OR51G2: variants seen among roughly 807,000 people sequenced by gnomAD.
The protein encoded by OR51G2 is olfactory receptor 51G2.
In OR51G2, 13 loss-of-function variants were observed where a neutral mutation model predicts 11.8. The observed-to-expected ratio is 1.10, with a 90% CI of 0.72 to 1.76. The LOEUF is 1.76. Ranked by LOEUF, OR51G2 falls within the 40% of genes most tolerant of loss-of-function variation. OR51G2 has a pLI of 0.00. For missense variants in OR51G2, 474 were observed against 394.4 expected, an observed-to-expected ratio of 1.20 and a Z score of -1.71; for synonymous variants, 178 against 151.9, an observed-to-expected ratio of 1.17 and a Z score of -1.26.
Position 4,915,099 on chromosome 11 carries a change from C to T in OR51G2, c.565G>A (p.Val189Met). 1 of 1,614,086 alleles carries T rather than the reference C, an allele frequency of 6.2e-7. No homozygotes were observed. Among genetic ancestry groups the T allele is most frequent in the Non-Finnish European group, 8.5e-7 (1 of 1,180,018 alleles). Residue 189 changes from valine to methionine, a missense_variant, in exon 2 of 2, where the codon GTG becomes ATG. Physicochemically the swap from Val to Met is conservative, Grantham distance 21. Coordinates refer to ENST00000641926, the MANE Select transcript of OR51G2 (RefSeq NM_001005238.2). Reference protein sequence around the residue: ...LSHSYCLHQEVMKLACADMKA... With the variant: ...LSHSYCLHQEMMKLACADMKA... ...ATGTCGGCACAGGCCAATTTCATCACTTCTTGGTGGAGACAATAAGAATGT... is the reference window on the plus strand; with the variant it reads ...ATGTCGGCACAGGCCAATTTCATCATTTCTTGGTGGAGACAATAAGAATGT...
intron 1 of OR51G2, among the ~76,000 whole-genome samples, chr11:4,916,251 C>G (rs767524642): frequency 6.6e-6 from 1 of 152,074 alleles, no homozygotes. Context: ...AAGGCCACAG[C>G]TGTTGTTGGG....
intron 1 of OR51G2, among the ~76,000 whole-genome samples, chr11:4,916,131 A>T (rs1293173372): frequency 6.7e-6 from 1 of 149,834 alleles, no homozygotes; most frequent in Non-Finnish European, 1.5e-5. Context: ...ATCCTGGCTA[A>T]CACAGTGAAA....
rs912633228 is a variant in OR51G2, at chr11:4,915,407, A to G, written c.257T>C (p.Val86Ala). The G allele has an allele frequency of 5.0e-6, 8 of 1,614,068 alleles. No individual in the cohort carries two copies. The highest frequency in any genetic ancestry group is 6.8e-6 in the Non-Finnish European group (8 of 1,180,020). Residue 86 changes from valine (V) to alanine (A), a missense_variant, in exon 2 of 2, where the codon GTC (valine) becomes GCC (alanine). Val to Ala is a moderately conservative substitution (Grantham distance 64). Coordinates refer to ENST00000641926, the MANE Select transcript of OR51G2 (RefSeq NM_001005238.2). ...LGLSLCTLPT[V>A]LGIFWVGARE... Reference sequence around the variant, plus strand: ...TGCTCCAACCCAAAAGATGCCCAGGACTGTAGGGAGAGTGCAAAGGGAGAG... The same window carrying G: ...TGCTCCAACCCAAAAGATGCCCAGGGCTGTAGGGAGAGTGCAAAGGGAGAG...
In OR51G2 at chr11:4,915,714, A is replaced by G. The variant is rs78906244; in HGVS notation, c.-51T>C. 2.4e-3 allele frequency: 3,159 copies of G among 1,324,106 alleles called. 43 individuals carry two copies. In the African/African-American group the frequency reaches 0.033, roughly 14 times the overall value. The allele number at this position is 1,324,106 out of a possible 1,614,324, so 82.0% of individuals were successfully genotyped here. A position where few individuals can be genotyped will look rare whatever the true frequency, so the allele number is the denominator to read the frequency against. Reference sequence around the variant, plus strand: ...GGGTGCCCTCCAAAATCCTGAAGTAAATTGAGGCAGTACTGGTGATTGCAC... The same window carrying G: ...GGGTGCCCTCCAAAATCCTGAAGTAGATTGAGGCAGTACTGGTGATTGCAC... On this transcript the variant is annotated 5_prime_UTR_variant, in exon 2 of 2. Transcript: ENST00000641926.
At position 4,915,380 on chromosome 11, in the gene OR51G2, C is replaced by T. The variant is rs199695370; in HGVS notation, c.284G>A (p.Arg95Gln). ...AAAGCAGGCATCATGGCTAATTTCT[C>T]GTGCTCCAACCCAAAAGATGCCCAG... ...TVLGIFWVGA[R>Q]EISHDACFAQ... Residue 95 changes from arginine to glutamine, a missense_variant, in exon 2 of 2, where the codon CGA becomes CAA. By Grantham distance (43) the Arg-to-Gln change is conservative (BLOSUM62 1). Transcript: ENST00000641926. The T allele has an allele frequency of 6.4e-5, 104 of 1,613,974 alleles. No individual in the cohort carries two copies. The highest frequency in any genetic ancestry group is 1.0e-4 in the Admixed American group (6 of 60,006).
At chr11:4,917,577 T>C (rs950299915) in intron 1 of OR51G2, among the ~76,000 whole-genome samples, 7 of 152,328 alleles carry the variant, frequency 4.6e-5, no homozygotes, top group Non-Finnish European at 7.3e-5. Flanking sequence ...GTTAACTCAC[T>C]GTCCACCTGA....
Position 4,915,750 on chromosome 11 carries a change from T to A in OR51G2, c.-76-11A>T. The A allele has an allele frequency of 1.2e-6, 1 of 823,456 alleles. No homozygotes were observed. 51.0% of individuals were successfully genotyped at this position (823,456 alleles called of 1,614,324 possible). The stretch of plus-strand genomic sequence containing the variant: ...TACTGGTGATTGCACCTGGTGGAAA[T>A]TAAAGAAAAAAAATAGAATCAAATA... On this transcript the variant is annotated splice_polypyrimidine_tract_variant and intron_variant, in intron 1 of 1. Coordinates refer to ENST00000641926, the MANE Select transcript of OR51G2 (RefSeq NM_001005238.2).
At chr11:4,916,538 T>C (rs923669788) in intron 1 of OR51G2, among the ~76,000 whole-genome samples, 4 of 152,188 alleles carry the variant, frequency 2.6e-5, no homozygotes, top group Non-Finnish European at 5.9e-5. Context: ...TTTCTTTCTC[T>C]TTTTTGTTTT....
intron 1 of OR51G2, among the ~76,000 whole-genome samples, chr11:4,916,763 G>C (rs1431715363): frequency 6.6e-6 from 1 of 152,162 alleles, no homozygotes; most frequent in African/African-American, 2.4e-5. Flanking sequence ...TCAAAGCCCT[G>C]ATCCTCCTGT....
rs890920462 is a variant in OR51G2, at chr11:4,915,030, C to T, written c.634G>A (p.Val212Met). 12 of 1,613,982 alleles carry T rather than the reference C, an allele frequency of 7.4e-6. No homozygotes were observed. The highest frequency in any genetic ancestry group is 8.5e-6 in the Non-Finnish European group (10 of 1,180,032). The stretch of plus-strand genomic sequence containing the variant: ...AGGATGAGCAGTGAGTCTATACCCA[C>T]TGTAGAGACGATGACAAACATGCCG... Reference protein sequence around the residue: ...IYGMFVIVSTVGIDSLLILFS... With the variant: ...IYGMFVIVSTMGIDSLLILFS... The change falls in exon 2 of 2, where the codon GTG (valine) becomes ATG (methionine). Residue 212 changes from valine (V) to methionine (M), a missense_variant. Coordinates refer to ENST00000641926, the MANE Select transcript of OR51G2 (RefSeq NM_001005238.2).
chr11:4,916,208 C>G (rs939628405), intron 1 of OR51G2, among the ~76,000 whole-genome samples: 1 of 151,808 alleles, frequency 6.6e-6, no homozygotes, highest in Non-Finnish European at 1.5e-5. Context: ...TCTGCTGGCA[C>G]TGTGGGTTGG....
At position 4,915,658 on chromosome 11, in the gene OR51G2, G is replaced by T; in HGVS notation, c.6C>A (p.Thr2=). The change falls in exon 2 of 2, where the codon ACC becomes ACA. Residue 2 remains threonine, a synonymous_variant. Coordinates refer to ENST00000641926, the MANE Select transcript of OR51G2 (RefSeq NM_001005238.2). ...TGCTGCTGTTTCCCAGGGATCCCAGGGTCATTGTGTGAGGAGACAAGGGGG... is the reference window on the plus strand; with the variant it reads ...TGCTGCTGTTTCCCAGGGATCCCAGTGTCATTGTGTGAGGAGACAAGGGGG... M[T]LGSLGNSSSS... is the part of the protein sequence containing the mutation. 1 of 1,609,940 alleles carries T rather than the reference G, an allele frequency of 6.2e-7. No homozygotes were observed. The highest frequency in any genetic ancestry group is 8.5e-7 in the Non-Finnish European group (1 of 1,177,470).
chr11:4,914,674 A>G lies in OR51G2; in HGVS notation c.*45T>C, dbSNP rs1383953796. On this transcript the variant is annotated 3_prime_UTR_variant, in exon 2 of 2. Coordinates refer to ENST00000641926, the MANE Select transcript of OR51G2 (RefSeq NM_001005238.2). ...GTTAGAAATTATAAAGGATAGGCAA[A>G]CAAGGGCACGTTTCAGGAGACAGTG... 7.3e-7 allele frequency: 1 copy of G among 1,368,098 alleles called. No individual in the cohort carries two copies. Among genetic ancestry groups the G allele is most frequent in the Middle Eastern group, 1.8e-4 (1 of 5,452 alleles). 84.7% of individuals were successfully genotyped at this position (1,368,098 alleles called of 1,614,324 possible). A position where few individuals can be genotyped will look rare whatever the true frequency, so the allele number is the denominator to read the frequency against.
In OR51G2 at chr11:4,914,680, G is replaced by A; in HGVS notation, c.*39C>T. 1 of 1,399,546 alleles carries A rather than the reference G, an allele frequency of 7.1e-7. No individual in the cohort carries two copies. The highest frequency in any genetic ancestry group is 1.0e-6 in the Non-Finnish European group (1 of 1,003,600). The allele number at this position is 1,399,546 out of a possible 1,614,324, so 86.7% of individuals were successfully genotyped here. A position where few individuals can be genotyped will look rare whatever the true frequency, so the allele number is the denominator to read the frequency against. On this transcript the variant is annotated 3_prime_UTR_variant, in exon 2 of 2. Coordinates refer to ENST00000641926, the MANE Select transcript of OR51G2 (RefSeq NM_001005238.2). ...AATTATAAAGGATAGGCAAACAAGG[G>A]CACGTTTCAGGAGACAGTGGCTCTA...
intron 1 of OR51G2, 124 bp from the exon 2 acceptor site, chr11:4,915,863 T>C (rs1200351242): frequency 2.0e-6 from 1 of 504,000 alleles, no homozygotes; most frequent in Non-Finnish European, 3.5e-6. Context: ...ATTTGTCTCA[T>C]AGTTTCAATA....
At chr11:4,916,745 G>A (rs897227558) in intron 1 of OR51G2, among the ~76,000 whole-genome samples, 1 of 152,164 alleles carries the variant, frequency 6.6e-6, no homozygotes, top group African/African-American at 2.4e-5. Flanking sequence ...GACTGCTAGA[G>A]TAAGACATCA....
At chr11:4,916,188 T>C (rs1475638726) in intron 1 of OR51G2, among the ~76,000 whole-genome samples, 1 of 151,966 alleles carries the variant, frequency 6.6e-6, no homozygotes, top group Non-Finnish European at 1.5e-5. Flanking sequence ...GAGGGAGAAT[T>C]CAGCCTCCCT....
chr11:4,916,077 G>C (rs2133575712), intron 1 of OR51G2, among the ~76,000 whole-genome samples: 1 of 152,166 alleles, frequency 6.6e-6, no homozygotes, highest in Non-Finnish European at 1.5e-5. Flanking sequence ...TCAGCACTTT[G>C]GGAGGCCGAG....
Position 4,915,776 on chromosome 11 carries a change from T to C in OR51G2, c.-76-37A>G, listed in dbSNP as rs1327988120. On this transcript the variant is annotated intron_variant, in intron 1 of 1. Transcript: ENST00000641926. Reference sequence around the variant, plus strand: ...TAAAGAAAAAAAATAGAATCAAATATACCTAGAACTGTGCAGCTCTTTCTA... The same window carrying C: ...TAAAGAAAAAAAATAGAATCAAATACACCTAGAACTGTGCAGCTCTTTCTA... The C allele has an allele frequency of 1.1e-5, 7 of 642,298 alleles. No individual in the cohort carries two copies. In the East Asian group the frequency reaches 1.6e-4, roughly 15 times the overall value. The allele number at this position is 642,298 out of a possible 1,614,324, so 39.8% of individuals were successfully genotyped here. A position where few individuals can be genotyped will look rare whatever the true frequency, so the allele number is the denominator to read the frequency against.
Sources: allele counts gnomAD v4.1 joint callset (sites outside exome capture counted in the v4.1 genomes callset), GRCh38; gene constraint gnomAD v4.1.1; transcripts MANE v1.5; gene names NCBI Gene and HGNC (gene_info 2026-07-23, HGNC 2026-07-21).